The following NBAS variants were observed in gnomAD, a reference collection of about 807,000 sequenced individuals.
The protein encoded by NBAS is NAG/BC035112 fusion.
NBAS carries 219 observed loss-of-function variants against 302.5 expected under a neutral mutation model. That is an observed-to-expected ratio of 0.72 (90% CI 0.65 to 0.81). NBAS has a LOEUF of 0.81. NBAS is among the 30% of genes least tolerant of loss of function. The pLI is 0.00. For missense variants in NBAS, 2,932 were observed against 2,841.6 expected (o/e 1.03, Z -0.72); for synonymous variants, 1,118 against 1,021.6 (o/e 1.09, Z -1.80).
intron 9 of NBAS, among the ~76,000 whole-genome samples, chr2:15,523,252 G>T (rs1662763679): frequency 6.6e-6 from 1 of 152,156 alleles, no homozygotes; most frequent in Non-Finnish European, 1.5e-5. Context: ...ATTTCCCGGA[G>T]AGACTAACTG....
At chr2:15,406,113 A>C (rs1381444396) in intron 25 of NBAS, among the ~76,000 whole-genome samples, 1 of 150,322 alleles carries the variant, frequency 6.7e-6, no homozygotes, top group African/African-American at 2.4e-5. Context: ...TAAAAAAAAA[A>C]AACAAAACAA....
At chr2:15,064,574 T>A in the NBAS span, among the ~76,000 whole-genome samples, 1 of 152,100 alleles carries the variant, frequency 6.6e-6, no homozygotes, top group African/African-American at 2.4e-5. Flanking sequence ...GAATCAGTAA[T>A]CAAAATCTGG....
chr2:15,411,993 C>T (rs1676710518), intron 25 of NBAS, among the ~76,000 whole-genome samples: 1 of 151,958 alleles, frequency 6.6e-6, no homozygotes, highest in African/African-American at 2.4e-5. Context: ...AAGCAAAGAA[C>T]AATGGCTTAA....
chr2:15,420,847 G>A (rs913156374), intron 23 of NBAS, among the ~76,000 whole-genome samples: 4 of 152,060 alleles, frequency 2.6e-5, no homozygotes, highest in Admixed American at 6.5e-5. Flanking sequence ...GGGAAGCAAC[G>A]TAATGCCAAG....
At chr2:15,005,428 C>T in the NBAS span, among the ~76,000 whole-genome samples, 3 of 152,150 alleles carry the variant, frequency 2.0e-5, no homozygotes, top group Admixed American at 6.5e-5. Flanking sequence ...ACACAATGCA[C>T]TAGTCCTTTT....
Position 15,287,053 on chromosome 2 carries a change from C to T in NBAS, c.5138+20G>A, listed in dbSNP as rs1427674329. The T allele has an allele frequency of 1.9e-6, 3 of 1,539,118 alleles. No homozygotes were observed. The highest frequency in any genetic ancestry group is 1.7e-5 in the Admixed American group (1 of 59,890). ...AAAGAAAGACATGGAAACAAACGTACATATGAACTGTGTGCTTACCCACTG... is the reference window on the plus strand; with the variant it reads ...AAAGAAAGACATGGAAACAAACGTATATATGAACTGTGTGCTTACCCACTG... On this transcript the variant is annotated intron_variant, in intron 42 of 51. Coordinates refer to ENST00000281513, the MANE Select transcript of NBAS (RefSeq NM_015909.4).
chr2:14,894,354 C>A, the NBAS span, among the ~76,000 whole-genome samples: 1 of 152,018 alleles, frequency 6.6e-6, no homozygotes, highest in Non-Finnish European at 1.5e-5. Context: ...TACAGGGGGG[C>A]ACCAAGAGGA....
the NBAS span, among the ~76,000 whole-genome samples, chr2:15,083,695 G>A: frequency 1.3e-5 from 2 of 152,136 alleles, no homozygotes; most frequent in African/African-American, 2.4e-5. Context: ...TTCCAAATTG[G>A]TATGGATACA....
At chr2:15,095,480 C>T in the NBAS span, among the ~76,000 whole-genome samples, 1 of 152,224 alleles carries the variant, frequency 6.6e-6, no homozygotes, top group Admixed American at 6.5e-5. Context: ...GAAGAAATCA[C>T]TCCCATGATT....
At chr2:15,297,449 T>TG (rs1670599933) in intron 40 of NBAS, among the ~76,000 whole-genome samples, 1 of 152,182 alleles carries the variant, frequency 6.6e-6, no homozygotes, top group Non-Finnish European at 1.5e-5. Context: ...AACTGAATCA[T>TG]GGGGGCAGAC....
intron 50 of NBAS, among the ~76,000 whole-genome samples, chr2:15,182,474 A>C (rs950682768): frequency 6.6e-6 from 1 of 152,194 alleles, no homozygotes; most frequent in African/African-American, 2.4e-5. Flanking sequence ...ATAGAGAACA[A>C]TCACATTGAC....
At chr2:15,005,893 A>G in the NBAS span, among the ~76,000 whole-genome samples, 3 of 152,230 alleles carry the variant, frequency 2.0e-5, no homozygotes, top group African/African-American at 7.2e-5. Context: ...CCTTTGAAAT[A>G]TTTGAGTGAG....
intron 26 of NBAS, 119 bp from the exon 27 acceptor site, chr2:15,396,594 T>C (rs1675878637): frequency 1.6e-6 from 1 of 622,756 alleles, no homozygotes; most frequent in African/African-American, 1.9e-5. Flanking sequence ...TGTATAACAA[T>C]ATTATCTAAA....
At chr2:14,878,705 C>T in the NBAS span, among the ~76,000 whole-genome samples, 3,113 of 152,248 alleles carry the variant, frequency 0.02, 36 homozygotes, top group Non-Finnish European at 0.032. Flanking sequence ...AATGGCAGTT[C>T]CCACATACTC....
At chr2:15,083,720 G>A in the NBAS span, among the ~76,000 whole-genome samples, 2 of 152,160 alleles carry the variant, frequency 1.3e-5, no homozygotes, top group African/African-American at 2.4e-5. Flanking sequence ...GAGGAGGAGA[G>A]GGATTCCACT....
intron 25 of NBAS, among the ~76,000 whole-genome samples, chr2:15,404,534 A>G (rs1015783614): frequency 6.7e-6 from 1 of 150,090 alleles, no homozygotes; most frequent in Non-Finnish European, 1.5e-5. Context: ...TTATTTTGAG[A>G]CAGAGTCTCG....
chr2:14,863,462 A>G, the NBAS span, among the ~76,000 whole-genome samples: 2,454 of 152,328 alleles, frequency 0.016, 72 homozygotes, highest in African/African-American at 0.055. Flanking sequence ...TCCATTGTCC[A>G]GGAGAAGAAT....
At chr2:14,783,459 A>C in the NBAS span, among the ~76,000 whole-genome samples, 1 of 128,114 alleles carries the variant, frequency 7.8e-6, no homozygotes, top group African/African-American at 2.9e-5. Flanking sequence ...TCCTAATGCT[A>C]TCCCTCCCCC....
chr2:14,933,642 C>A, the NBAS span, among the ~76,000 whole-genome samples: 96 of 152,212 alleles, frequency 6.3e-4, no homozygotes, highest in African/African-American at 2.3e-3. Flanking sequence ...AGGGCCCTAG[C>A]AAACCTGGGG....
Sources: gnomAD v4.1 joint callset for allele counts (sites outside exome capture counted in the v4.1 genomes callset) on GRCh38, gnomAD v4.1.1 for gene constraint, MANE v1.5 for transcripts, NCBI Gene and HGNC (gene_info 2026-07-23, HGNC 2026-07-21) for gene names.